The following MMP16 variants were observed in gnomAD, a reference collection of about 807,000 sequenced individuals.
The protein encoded by MMP16 is matrix metallopeptidase 16, also known as matrix metalloproteinase-16.
A neutral mutation model predicts 67.8 loss-of-function variants in MMP16; 12 were observed. The observed-to-expected ratio is 0.18, with a 90% CI of 0.11 to 0.29. The LOEUF is 0.29. Ranked by LOEUF, MMP16 falls within the 10% of genes least tolerant of loss-of-function variation. The pLI is 1.00. For missense variants in MMP16, 475 were observed against 765.7 expected, an observed-to-expected ratio of 0.62 and a Z score of 4.48; for synonymous variants, 249 against 255.9, an observed-to-expected ratio of 0.97 and a Z score of 0.26.
chr8:88,059,505 T>G (rs1423189606), intron 7 of MMP16, among the ~76,000 whole-genome samples: 1 of 152,118 alleles, frequency 6.6e-6, no homozygotes, highest in Non-Finnish European at 1.5e-5. Flanking sequence ...ATTTTCCCTC[T>G]TTGGGTAGAT....
At chr8:88,233,665 G>T (rs544238283) in intron 1 of MMP16, among the ~76,000 whole-genome samples, 1 of 152,136 alleles carries the variant, frequency 6.6e-6, no homozygotes, top group Non-Finnish European at 1.5e-5. Context: ...TCTGGTACTG[G>T]GCTTTTTTCC....
chr8:88,059,403 C>A (rs957234592), intron 7 of MMP16, among the ~76,000 whole-genome samples: 1 of 152,038 alleles, frequency 6.6e-6, no homozygotes, highest in Non-Finnish European at 1.5e-5. Flanking sequence ...TATCTCTGAT[C>A]CAAATATCTC....
At chr8:88,147,686 T>C (rs969768909) in intron 4 of MMP16, among the ~76,000 whole-genome samples, 23 of 151,864 alleles carry the variant, frequency 1.5e-4, no homozygotes, top group African/African-American at 4.6e-4. Flanking sequence ...TATGGGAGTT[T>C]CCTGTGAAAT....
intron 3 of MMP16, 51 bp downstream of exon 3, chr8:88,186,425 A>C: frequency 6.2e-7 from 1 of 1,604,914 alleles, no homozygotes; most frequent in Non-Finnish European, 8.5e-7. Flanking sequence ...TGTCAAAACA[A>C]ATAGTAATGA....
intron 6 of MMP16, among the ~76,000 whole-genome samples, chr8:88,082,336 T>G (rs1005550771): frequency 6.6e-6 from 1 of 152,156 alleles, no homozygotes; most frequent in African/African-American, 2.4e-5. Flanking sequence ...CAAAATGGCA[T>G]GATGCCTGTG....
intron 4 of MMP16, among the ~76,000 whole-genome samples, chr8:88,166,183 C>A (rs556666266): frequency 1.3e-5 from 2 of 152,134 alleles, no homozygotes; most frequent in African/African-American, 4.8e-5. Context: ...CTCTTATGAA[C>A]AAACAAAGCT....
intron 1 of MMP16, among the ~76,000 whole-genome samples, chr8:88,208,733 A>C (rs1489809487): frequency 6.6e-6 from 1 of 150,884 alleles, no homozygotes; most frequent in African/African-American, 2.4e-5. Context: ...GCTGGAGAAA[A>C]CTGTGTACAC....
intron 6 of MMP16, among the ~76,000 whole-genome samples, chr8:88,091,351 T>C (rs1334734121): frequency 1.3e-5 from 2 of 151,848 alleles, no homozygotes; most frequent in Non-Finnish European, 2.9e-5. Flanking sequence ...TCAGATACAG[T>C]AGAAATTGTG....
intron 1 of MMP16, among the ~76,000 whole-genome samples, chr8:88,268,381 C>A (rs1440140825): frequency 6.6e-6 from 1 of 151,946 alleles, no homozygotes; most frequent in Non-Finnish European, 1.5e-5. Flanking sequence ...CCAAAAACAA[C>A]AAAAAAATTC....
intron 6 of MMP16, among the ~76,000 whole-genome samples, chr8:88,077,765 G>A (rs1808675275): frequency 6.6e-6 from 1 of 152,114 alleles, no homozygotes; most frequent in Non-Finnish European, 1.5e-5. Context: ...TTGTAGTTAA[G>A]ATGTTTTCTT....
chr8:88,181,655 G>T (rs985938556), intron 3 of MMP16, among the ~76,000 whole-genome samples: 1 of 151,824 alleles, frequency 6.6e-6, no homozygotes, highest in South Asian at 2.1e-4. Context: ...GTTATTTTGT[G>T]TGAATCAACA....
intron 6 of MMP16, among the ~76,000 whole-genome samples, chr8:88,094,030 T>C (rs1488783308): frequency 1.3e-5 from 2 of 151,878 alleles, no homozygotes; most frequent in Non-Finnish European, 2.9e-5. Context: ...GGCGGGTCTG[T>C]CTTGGGCTTA....
intron 7 of MMP16, chr8:88,069,268 T>A (rs940043359): frequency 3.0e-6 from 1 of 338,722 alleles, no homozygotes; most frequent in Non-Finnish European, 5.8e-6. Context: ...AATGTAGAGG[T>A]CATGCACATT....
At chr8:88,159,340 C>G (rs902791685) in intron 4 of MMP16, among the ~76,000 whole-genome samples, 1 of 152,064 alleles carries the variant, frequency 6.6e-6, no homozygotes, top group Non-Finnish European at 1.5e-5. Flanking sequence ...CTTCTATTTC[C>G]TTGAGCAGTG....
rs1179157168 is a variant in MMP16 at position 88,039,990 on chromosome 8, CATGCAATAGGTA to C, written c.*1459_*1470del. 1 of 152,562 alleles carries C rather than the reference CATGCAATAGGTA, an allele frequency of 6.6e-6. No individual in the cohort carries two copies. The highest frequency in any genetic ancestry group is 1.5e-5 in the Non-Finnish European group (1 of 68,026). The allele number at this position is 152,562 out of a possible 1,614,324, so 9.5% of individuals were successfully genotyped here. ...CTAACCCTTTGAGAACTATGGTGGA[CATGCAATAGGTA>C]ATGCACTGGAGGATATTCATGCAAC... On this transcript the variant is annotated 3_prime_UTR_variant, in exon 10 of 10. Coordinates refer to ENST00000286614, the MANE Select transcript of MMP16 (RefSeq NM_005941.5). The surrounding 1 kb of genome is among the most constrained non-coding windows in gnomAD (Gnocchi z 4.5).
chr8:88,253,844 A>T (rs972536223), intron 1 of MMP16, among the ~76,000 whole-genome samples: 1 of 151,906 alleles, frequency 6.6e-6, no homozygotes, highest in Admixed American at 6.6e-5. Context: ...TTTTTCTTCT[A>T]ATTTTTTTTT....
chr8:88,192,933 G>A (rs7821734), intron 2 of MMP16, among the ~76,000 whole-genome samples: 23,929 of 152,102 alleles, frequency 0.16, 2,019 homozygotes, highest in South Asian at 0.19. Flanking sequence ...TGAAGAAAGA[G>A]AAATCCTTAT....
At chr8:88,323,681 A>G (rs910404760) in intron 1 of MMP16, among the ~76,000 whole-genome samples, 2 of 152,166 alleles carry the variant, frequency 1.3e-5, no homozygotes, top group African/African-American at 4.8e-5. Flanking sequence ...TGCTGTTCAC[A>G]TAAGTAATAT....
At chr8:88,186,756 C>A (rs556053395) in intron 2 of MMP16, among the ~76,000 whole-genome samples, 158 bp from the exon 3 acceptor site, 4 of 152,062 alleles carry the variant, frequency 2.6e-5, no homozygotes, top group African/African-American at 7.2e-5. Flanking sequence ...TGTGAATTTT[C>A]TTGCACTTTG....
Sources: gnomAD v4.1 joint callset for allele counts (sites outside exome capture counted in the v4.1 genomes callset) on GRCh38, gnomAD v4.1.1 for gene constraint, Gnocchi (gnomAD v3.1) non-coding constraint, MANE v1.5 for transcripts, NCBI Gene and HGNC (gene_info 2026-07-23, HGNC 2026-07-21) for gene names.